COL22A1: variants seen among roughly 807,000 people sequenced by gnomAD.
The protein encoded by COL22A1 is collagen type XXII alpha 1 chain, also known as collagen alpha-1(XXII) chain.
Under a neutral mutation model 248.9 loss-of-function variants are expected in COL22A1, and 221 were observed. The observed-to-expected ratio is 0.89, with a 90% CI of 0.80 to 0.99. COL22A1 has a LOEUF of 0.99. COL22A1 is among the 50% of genes least tolerant of loss of function. COL22A1 has a pLI of 0.00. For synonymous variants in COL22A1, 891 were observed against 793.4 expected, an observed-to-expected ratio of 1.12 and a Z score of -2.07; for missense variants, 2,240 against 2,179.0, an observed-to-expected ratio of 1.03 and a Z score of -0.56.
In COL22A1 at chr8:138,812,308, C is replaced by T. The variant is rs115877812; in HGVS notation, c.1327-387G>A. On this transcript the variant is annotated intron_variant, in intron 8 of 64. Coordinates refer to ENST00000303045, the MANE Select transcript of COL22A1 (RefSeq NM_152888.3). Reference sequence around the variant, plus strand: ...TCTGCATGCCACAGAAGCCCTGAGCCGGGTGCGCTGGCTGAGTTGGAACTG... The same window carrying T: ...TCTGCATGCCACAGAAGCCCTGAGCTGGGTGCGCTGGCTGAGTTGGAACTG... 1.8e-3 allele frequency among the ~76,000 whole-genome samples: 271 copies of T among 152,348 alleles called. 2 individuals carry two copies. Among genetic ancestry groups the T allele is most frequent in the African/African-American group, 6.3e-3 (260 of 41,576 alleles).
rs1432403549 is a variant in COL22A1 at position 138,706,292 on chromosome 8, A to C, written c.2518-2945T>G. On this transcript the variant is annotated intron_variant, in intron 30 of 64. Coordinates refer to ENST00000303045, the MANE Select transcript of COL22A1 (RefSeq NM_152888.3). Reference sequence around the variant, plus strand: ...CAGCTCTGCACCAAGCAGACCTAATAGACATCTACAGAACTCTCCACCCCA... The same window carrying C: ...CAGCTCTGCACCAAGCAGACCTAATCGACATCTACAGAACTCTCCACCCCA... Among the ~76,000 whole-genome samples the C allele has an allele frequency of 2.6e-5, 4 of 152,238 alleles. No homozygotes were observed. The East Asian group carries it at 7.7e-4, about 29-fold the overall frequency.
chr8:138,589,889 T>C (rs1816891404), intron 64 of COL22A1, among the ~76,000 whole-genome samples: 1 of 152,168 alleles, frequency 6.6e-6, no homozygotes, highest in Admixed American at 6.5e-5. Context: ...CATTCCATTG[T>C]GTAACATCCA....
At chr8:138,631,290 A>G (rs1378842042) in intron 49 of COL22A1, among the ~76,000 whole-genome samples, 4 of 152,168 alleles carry the variant, frequency 2.6e-5, no homozygotes, top group Non-Finnish European at 5.9e-5. Context: ...TGAACCATAA[A>G]TATTTCAAAT....
chr8:138,780,810 G>T (rs545549627), intron 13 of COL22A1, 117 bp downstream of exon 13: 14 of 823,536 alleles, frequency 1.7e-5, no homozygotes, highest in South Asian at 1.7e-4. Context: ...ATATAAATAC[G>T]TCCCCACTCA....
chr8:138,795,571 A>G (rs1816441764), intron 12 of COL22A1, among the ~76,000 whole-genome samples: 1 of 151,506 alleles, frequency 6.6e-6, no homozygotes, highest in Non-Finnish European at 1.5e-5. Flanking sequence ...CTGGTGTCAT[A>G]TTGTATACAC....
chr8:138,784,071 C>T (rs1206317228), intron 12 of COL22A1, among the ~76,000 whole-genome samples: 3 of 152,148 alleles, frequency 2.0e-5, no homozygotes, highest in Non-Finnish European at 4.4e-5. Flanking sequence ...ACCAGGCTGC[C>T]ATTGCTTTCA....
chr8:138,683,594 C>T (rs1826117871), intron 39 of COL22A1, among the ~76,000 whole-genome samples: 1 of 152,140 alleles, frequency 6.6e-6, no homozygotes, highest in Non-Finnish European at 1.5e-5. Context: ...ATAAAATCCT[C>T]CCACAGGGTT....
chr8:138,645,370 C>A (rs1326063931), intron 47 of COL22A1, among the ~76,000 whole-genome samples: 1 of 152,210 alleles, frequency 6.6e-6, no homozygotes, highest in Non-Finnish European at 1.5e-5. Flanking sequence ...CTGCGAGCAG[C>A]CCGCCCTGAA....
chr8:138,790,938 C>A (rs1815980803), intron 12 of COL22A1, among the ~76,000 whole-genome samples: 1 of 152,202 alleles, frequency 6.6e-6, no homozygotes, highest in South Asian at 2.1e-4. Flanking sequence ...CCTAGCCCCC[C>A]AGCACCATGC....
At chr8:138,626,330 G>A in intron 50 of COL22A1, 87 bp from the exon 51 acceptor site, 1 of 1,032,334 alleles carries the variant, frequency 9.7e-7, no homozygotes, top group Non-Finnish European at 1.5e-6. Flanking sequence ...GCATTCATGG[G>A]TTGGGGGAGT....
At chr8:138,701,879 A>C in intron 31 of COL22A1, among the ~76,000 whole-genome samples, 1 of 139,548 alleles carries the variant, frequency 7.2e-6, no homozygotes, top group Non-Finnish European at 1.6e-5. Context: ...GTTCCACTTA[A>C]TTTGAGTATC....
chr8:138,844,375 T>C (rs566598478), intron 3 of COL22A1, among the ~76,000 whole-genome samples: 1 of 152,234 alleles, frequency 6.6e-6, no homozygotes, highest in Non-Finnish European at 1.5e-5. Flanking sequence ...CTGTGTTCTG[T>C]ACTGGGGTGA....
At chr8:138,794,458 A>G (rs763334681) in intron 12 of COL22A1, among the ~76,000 whole-genome samples, 3 of 152,054 alleles carry the variant, frequency 2.0e-5, no homozygotes, top group Non-Finnish European at 2.9e-5. Context: ...GGAAAACAGT[A>G]TGGTGGCTCC....
chr8:138,711,282 G>A (rs992223157), intron 30 of COL22A1, among the ~76,000 whole-genome samples: 2 of 152,214 alleles, frequency 1.3e-5, no homozygotes, highest in Admixed American at 6.5e-5. Context: ...AAGAACAGGG[G>A]ACGTGAAGGG....
intron 51 of COL22A1, among the ~76,000 whole-genome samples, chr8:138,624,863 A>G (rs10100776): frequency 0.72 from 109,994 of 152,094 alleles, 42,269 homozygotes; most frequent in Middle Eastern, 0.86. Flanking sequence ...TCTAAGAAGC[A>G]ATTCATTCAT....
At chr8:138,768,006 G>A (rs1834040727) in intron 16 of COL22A1, among the ~76,000 whole-genome samples, 1 of 152,114 alleles carries the variant, frequency 6.6e-6, no homozygotes, top group Admixed American at 6.5e-5. Flanking sequence ...CAGCCCCTTC[G>A]TGCCTTTGAT....
At chr8:138,643,943 G>T (rs1821972257) in intron 47 of COL22A1, among the ~76,000 whole-genome samples, 2 of 151,906 alleles carry the variant, frequency 1.3e-5, no homozygotes, top group African/African-American at 4.8e-5. Context: ...AACCATCCCT[G>T]GATAATTTTT....
intron 1 of COL22A1, among the ~76,000 whole-genome samples, chr8:138,886,430 A>G (rs1824673073): frequency 6.6e-6 from 1 of 152,210 alleles, no homozygotes; most frequent in African/African-American, 2.4e-5. Context: ...AGCAGAGGGG[A>G]AGGAGGAAGA....
At chr8:138,605,050 C>T (rs920697090) in intron 58 of COL22A1, among the ~76,000 whole-genome samples, 1 of 152,096 alleles carries the variant, frequency 6.6e-6, no homozygotes, top group Non-Finnish European at 1.5e-5. Flanking sequence ...ATCGATTTTA[C>T]AAATAGTCCT....
Sources: allele counts gnomAD v4.1 joint callset (sites outside exome capture counted in the v4.1 genomes callset), GRCh38; gene constraint gnomAD v4.1.1; transcripts MANE v1.5; gene names NCBI Gene and HGNC (gene_info 2026-07-23, HGNC 2026-07-21).